Variants in ZFAND4 observed in about 807,000 individuals in gnomAD.
ZFAND4 encodes the protein zinc finger AN1-type containing 4.
In ZFAND4, 43 loss-of-function variants were observed where a neutral mutation model predicts 64.4. The ratio of observed to expected loss-of-function variants is 0.67; its 90% CI spans 0.52 to 0.86. ZFAND4 has a LOEUF of 0.86. Among genes scored for constraint, ZFAND4 ranks in the 40% least tolerant of loss-of-function variants. The pLI is 0.00. For synonymous variants in ZFAND4, 296 were observed against 305.7 expected, an observed-to-expected ratio of 0.97 and a Z score of 0.33; for missense variants, 929 against 859.8, an observed-to-expected ratio of 1.08 and a Z score of -1.01.
intron 1 of ZFAND4, among the ~76,000 whole-genome samples, chr10:45,671,618 T>C (rs936617367): frequency 2.0e-5 from 3 of 152,024 alleles, no homozygotes; most frequent in African/African-American, 4.8e-5. Context: ...CACTCATAGA[T>C]GGGAACTCAA....
chr10:45,666,706 A>G (rs76555487), intron 1 of ZFAND4, among the ~76,000 whole-genome samples: 9,101 of 152,234 alleles, frequency 0.06, 396 homozygotes, highest in African/African-American at 0.12. Context: ...TGTGAGGTAG[A>G]GTCTAACTTT....
Position 45,616,316 on chromosome 10 carries a change from T to C in ZFAND4, c.*120A>G, listed in dbSNP as rs540790258. On this transcript the variant is annotated 3_prime_UTR_variant, in exon 10 of 10. Transcript: ENST00000344646. ...CATTCTTGTTCTCCAACAGTATGCA[T>C]TGTATGCTTTTGTTATTTGGCAAAT... is the stretch of plus-strand genomic sequence containing the variant. 28 of 1,299,628 alleles carry C rather than the reference T, an allele frequency of 2.2e-5. No individual in the cohort carries two copies. Among genetic ancestry groups the C allele is most frequent in the African/African-American group, 3.0e-5 (2 of 67,300 alleles). The allele number at this position is 1,299,628 out of a possible 1,614,324, so 80.5% of individuals were successfully genotyped here. A position where few individuals can be genotyped will look rare whatever the true frequency, so the allele number is the denominator to read the frequency against.
chr10:45,632,580 A>T (rs1481082098), intron 6 of ZFAND4, among the ~76,000 whole-genome samples: 1 of 152,180 alleles, frequency 6.6e-6, no homozygotes, highest in African/African-American at 2.4e-5. Context: ...AAAGAGGAGA[A>T]GGTTAAATAA....
intron 4 of ZFAND4, chr10:45,651,000 G>A (rs2047722081): frequency 6.6e-6 from 1 of 152,066 alleles, no homozygotes; most frequent in Admixed American, 6.6e-5. Flanking sequence ...GAAAAAGATG[G>A]CAATAATCCT....
At chr10:45,660,073 A>G (rs1485831998) in intron 2 of ZFAND4, among the ~76,000 whole-genome samples, 1 of 151,708 alleles carries the variant, frequency 6.6e-6, no homozygotes, top group Admixed American at 6.6e-5. Flanking sequence ...GAGGCAGGAG[A>G]ATGGCGTGAA....
intron 3 of ZFAND4, 93 bp from the exon 4 acceptor site, chr10:45,652,126 G>T: frequency 8.6e-7 from 1 of 1,156,984 alleles, no homozygotes; most frequent in Non-Finnish European, 1.3e-6. Flanking sequence ...CAGGCAGAGT[G>T]GCCACTCTCT....
At chr10:45,662,765 A>G (rs370888012) in intron 2 of ZFAND4, 7 of 673,386 alleles carry the variant, frequency 1.0e-5, no homozygotes, top group Non-Finnish European at 1.3e-5. Flanking sequence ...TCATCCTTCT[A>G]TAATTCTGAA....
intron 2 of ZFAND4, 145 bp from the exon 3 acceptor site, chr10:45,653,204 C>T (rs553980765): frequency 4.7e-5 from 29 of 611,140 alleles, no homozygotes; most frequent in African/African-American, 4.3e-4. Context: ...CTAAAATTTA[C>T]AGAATCATAG....
At chr10:45,630,204 C>T (rs1450567933) in intron 6 of ZFAND4, among the ~76,000 whole-genome samples, 2 of 152,058 alleles carry the variant, frequency 1.3e-5, no homozygotes, top group Middle Eastern at 3.4e-3. Flanking sequence ...ATCACAATAC[C>T]CCAACCTAAA....
intron 1 of ZFAND4, among the ~76,000 whole-genome samples, chr10:45,670,202 T>C (rs1265040597): frequency 2.6e-5 from 4 of 151,456 alleles, no homozygotes; most frequent in African/African-American, 9.7e-5. Flanking sequence ...ACAAAATCAA[T>C]GTGCAAAAAT....
intron 1 of ZFAND4, 88 bp from the exon 2 acceptor site, chr10:45,663,930 C>A (rs2048637960): frequency 2.3e-6 from 1 of 433,178 alleles, no homozygotes; most frequent in East Asian, 4.0e-5. Context: ...CCATATCAAT[C>A]TTCCAGACGG....
chr10:45,634,128 A>G (rs1223405400), intron 6 of ZFAND4, among the ~76,000 whole-genome samples: 1 of 152,236 alleles, frequency 6.6e-6, no homozygotes, highest in Non-Finnish European at 1.5e-5. Flanking sequence ...AAGTGTCATG[A>G]TATCTAACTT....
chr10:45,651,699 T>G, intron 4 of ZFAND4: 1 of 553,158 alleles, frequency 1.8e-6, no homozygotes, highest in Non-Finnish European at 3.6e-6. Flanking sequence ...TAGTATGTCA[T>G]TCCATTTCTG....
At chr10:45,633,759 C>T (rs1157270941) in intron 6 of ZFAND4, among the ~76,000 whole-genome samples, 1 of 152,052 alleles carries the variant, frequency 6.6e-6, no homozygotes, top group East Asian at 1.9e-4. Context: ...CAAAAATGTT[C>T]AAATTCCATC....
In ZFAND4 at chr10:45,626,031, G is replaced by A. The variant is rs1185092317; in HGVS notation, c.1792C>T (p.Leu598=). The A allele has an allele frequency of 1.7e-5, 28 of 1,613,986 alleles. No homozygotes were observed. The highest frequency in any genetic ancestry group is 2.2e-5 in the Non-Finnish European group (26 of 1,180,044). The part of the protein sequence containing the change: ...AGRLQNSGTG[L]STNLQHFQEE... ...TGAAAATGCTGGAGGTTTGTAGACAGCCCAGTTCCAGAGTTCTGAAGCCTG... is the reference window on the plus strand; with the variant it reads ...TGAAAATGCTGGAGGTTTGTAGACAACCCAGTTCCAGAGTTCTGAAGCCTG... The change falls in exon 7 of 10, where the codon CTG becomes TTG. Residue 598 remains leucine, a synonymous_variant. Transcript: ENST00000344646.
intron 6 of ZFAND4, among the ~76,000 whole-genome samples, chr10:45,632,470 A>C (rs531891498): frequency 7.9e-5 from 12 of 152,276 alleles, no homozygotes; most frequent in African/African-American, 2.9e-4. Context: ...AAAGTAGAAA[A>C]AAATTTTTAA....
At chr10:45,638,382 T>C (rs2046763573) in intron 6 of ZFAND4, among the ~76,000 whole-genome samples, 1 of 149,842 alleles carries the variant, frequency 6.7e-6, no homozygotes, top group African/African-American at 2.5e-5. Flanking sequence ...TGGTCTCAGC[T>C]ACTCAGGAGG....
rs58965939 is a variant in ZFAND4 at position 45,637,004 on chromosome 10, GAAA to G, written c.717+2809_717+2811del. On this transcript the variant is annotated intron_variant, in intron 6 of 9. Coordinates refer to ENST00000344646, the MANE Select transcript of ZFAND4 (RefSeq NM_174890.4). ...GAGCTAAGTCAATTGTTCCCCATCA[GAAA>G]AAAAAAAAAAAAAGATCTTTACCCC... 4.1e-4 allele frequency among the ~76,000 whole-genome samples: 49 copies of G among 120,366 alleles called. 1 individual carries two copies. The highest frequency in any genetic ancestry group is 8.1e-4 in the Non-Finnish European group (45 of 55,860). 79.0% of individuals were successfully genotyped at this position (120,366 alleles called of 152,430 possible).
intron 5 of ZFAND4, among the ~76,000 whole-genome samples, chr10:45,645,253 C>T (rs1414821698): frequency 6.6e-6 from 1 of 152,118 alleles, no homozygotes; most frequent in Non-Finnish European, 1.5e-5. Flanking sequence ...CAGGTGTGAG[C>T]CACCATGCCC....
Sources: allele counts gnomAD v4.1 joint callset (sites outside exome capture counted in the v4.1 genomes callset), GRCh38; gene constraint gnomAD v4.1.1; transcripts MANE v1.5; gene names NCBI Gene and HGNC (gene_info 2026-07-23, HGNC 2026-07-21).